The following SF1 variants were observed in gnomAD, a reference collection of about 807,000 sequenced individuals.
SF1 encodes splicing factor 1.
In SF1, 7 loss-of-function variants were observed where a neutral mutation model predicts 62.5. That is an observed-to-expected ratio of 0.11 (90% confidence interval 0.06 to 0.21). The LOEUF is 0.21. Ranked by LOEUF, SF1 falls within the 10% of genes least tolerant of loss-of-function variation. SF1 has a pLI of 1.00. For synonymous variants in SF1, 394 were observed against 323.6 expected (o/e 1.22, Z -2.33); for missense variants, 578 against 884.0 (o/e 0.65, Z 4.39).
In SF1 at chr11:64,768,162, T is replaced by C; in HGVS notation, c.1012A>G (p.Thr338Ala). 5 of 1,613,772 alleles carry C rather than the reference T, an allele frequency of 3.1e-6. No individual in the cohort carries two copies. Among genetic ancestry groups the C allele is most frequent in the Non-Finnish European group, 3.4e-6 (4 of 1,179,902 alleles). The change falls in exon 9 of 13, where the codon ACA becomes GCA. Residue 338 changes from threonine (T) to alanine (A), a missense_variant. Coordinates refer to ENST00000377390, the MANE Select transcript of SF1 (RefSeq NM_004630.4). ...GGACGAGGTGCGCTGGCCAGGGGTG[T>C]GGTGGCAGGCCCAGAGGTGGAGCCC... is the stretch of plus-strand genomic sequence containing the variant. The part of the protein sequence containing the change: ...SVGSTSGPAT[T>A]PLASAPRPAA...
intron 3 of SF1, chr11:64,773,139 T>A: frequency 8.2e-7 from 1 of 1,220,510 alleles, no homozygotes. Flanking sequence ...GCCACCTCAC[T>A]GTCCCCTAAG....
intron 10 of SF1, 105 bp downstream of exon 10, chr11:64,767,466 G>T: frequency 8.0e-7 from 1 of 1,248,660 alleles, no homozygotes; most frequent in Non-Finnish European, 1.1e-6. Context: ...GGCAGACCCA[G>T]CACATTGCCC....
intron 9 of SF1, 62 bp downstream of exon 9, chr11:64,768,044 C>T: frequency 6.5e-7 from 1 of 1,536,434 alleles, no homozygotes; most frequent in Non-Finnish European, 8.8e-7. Context: ...GTGGCCATAG[C>T]TCCCAGTCTC....
chr11:64,769,892 A>G (rs966828088), intron 5 of SF1, 72 bp downstream of exon 5: 162 of 1,188,936 alleles, frequency 1.4e-4, no homozygotes, highest in South Asian at 3.6e-4. Context: ...ACAGTCCCCA[A>G]TTAGGCACAA....
At chr11:64,773,800 A>T (rs565036038) in intron 2 of SF1, among the ~76,000 whole-genome samples, 1 of 152,186 alleles carries the variant, frequency 6.6e-6, no homozygotes, top group Non-Finnish European at 1.5e-5. Flanking sequence ...AATTATTAGG[A>T]GGTGTTTCAC....
intron 9 of SF1, 22 bp from the exon 10 acceptor site, chr11:64,767,866 C>T: frequency 1.9e-6 from 3 of 1,603,776 alleles, no homozygotes; most frequent in Non-Finnish European, 2.5e-6. Context: ...CATTTCCTGC[C>T]AACGTCCCTG....
At position 64,764,729 on chromosome 11, in the gene SF1, ATACAT is replaced by A. The variant is rs2135858256; in HGVS notation, c.*1084_*1088del. 6.5e-6 allele frequency: 1 copy of A among 152,864 alleles called. No individual in the cohort carries two copies. The highest frequency in any genetic ancestry group is 2.1e-4 in the South Asian group (1 of 4,834). 9.5% of individuals were successfully genotyped at this position (152,864 alleles called of 1,614,324 possible). ...TAAACCAGTGAAGAGAACGCGCAGTATACATTATTGTCAACAGAATCACTTCATGG... is the reference window on the plus strand; with the variant it reads ...TAAACCAGTGAAGAGAACGCGCAGTATATTGTCAACAGAATCACTTCATGG... On this transcript the variant is annotated 3_prime_UTR_variant, in exon 13 of 13. Coordinates refer to ENST00000377390, the MANE Select transcript of SF1 (RefSeq NM_004630.4).
chr11:64,767,901 G>T, intron 9 of SF1, 57 bp from the exon 10 acceptor site: 1 of 1,584,000 alleles, frequency 6.3e-7, no homozygotes, highest in Non-Finnish European at 8.6e-7. Flanking sequence ...TGGCAACATT[G>T]TTCTTCGGGT....
At position 64,770,243 on chromosome 11, in the gene SF1, C is replaced by A; in HGVS notation, c.389+13G>T. 1 of 1,608,894 alleles carries A rather than the reference C, an allele frequency of 6.2e-7. No individual in the cohort carries two copies. The highest frequency in any genetic ancestry group is 8.5e-7 in the Non-Finnish European group (1 of 1,175,960). ...TGTGTCTTCATCCCAGATGACCGAG[C>A]CCCTCCGCTTACTTGTAATCTGCAG... On this transcript the variant is annotated intron_variant, in intron 4 of 12. Transcript: ENST00000377390.
intron 12 of SF1, 78 bp downstream of exon 12, chr11:64,766,822 C>A: frequency 2.5e-6 from 3 of 1,211,794 alleles, no homozygotes; most frequent in Non-Finnish European, 3.3e-6. Flanking sequence ...CACCTGCCTG[C>A]TTGTGTGAGG....
At chr11:64,770,181 A>G (rs1426649861) in intron 4 of SF1, 75 bp downstream of exon 4, 1 of 1,572,862 alleles carries the variant, frequency 6.4e-7, no homozygotes, top group Admixed American at 1.7e-5. Context: ...AGTAGTACCA[A>G]TACTGTCCCA....
Position 64,766,773 on chromosome 11 carries a change from G to C in SF1, c.1582+127C>G, listed in dbSNP as rs971978757. Reference sequence around the variant, plus strand: ...CCCCCTGGACCAGGAGGCCCTTTCTGTTTACAACCCCAGCAGAGCCCAGGG... The same window carrying C: ...CCCCCTGGACCAGGAGGCCCTTTCTCTTTACAACCCCAGCAGAGCCCAGGG... On this transcript the variant is annotated intron_variant, in intron 12 of 12. Coordinates refer to ENST00000377390, the MANE Select transcript of SF1 (RefSeq NM_004630.4). 5 of 700,064 alleles carry C rather than the reference G, an allele frequency of 7.1e-6. No homozygotes were observed. The South Asian group carries it at 1.8e-4, about 26-fold the overall frequency. The allele number at this position is 700,064 out of a possible 1,614,324, so 43.4% of individuals were successfully genotyped here.
intron 12 of SF1, chr11:64,766,512 C>A: frequency 2.2e-6 from 1 of 447,716 alleles, no homozygotes; most frequent in Non-Finnish European, 4.0e-6. Flanking sequence ...CCCCACTGCC[C>A]AGTCCCACCT....
chr11:64,771,326 G>T (rs1323034629), intron 3 of SF1: 6 of 462,430 alleles, frequency 1.3e-5, no homozygotes, highest in African/African-American at 2.1e-5. Context: ...TACACTCCTA[G>T]AATTTTGAGT....
rs114332572 is a variant in SF1, at chr11:64,769,790, C to T, written c.479+174G>A. 1,125 of 728,346 alleles carry T rather than the reference C, an allele frequency of 1.5e-3. 11 individuals are homozygous for T. The African/African-American group carries it at 0.018, about 12-fold the overall frequency. 45.1% of individuals were successfully genotyped at this position (728,346 alleles called of 1,614,324 possible). ...AGTAAACCTGAGGATTTGACTTCTC[C>T]GCACTAGTGGGGAAGTTAAGACACC... On this transcript the variant is annotated intron_variant, in intron 5 of 12. Transcript: ENST00000377390.
intron 1 of SF1, chr11:64,778,120 GGACGGT>G (rs1436924011): frequency 4.7e-6 from 4 of 852,622 alleles, no homozygotes; most frequent in African/African-American, 1.8e-5. Context: ...AGGCGCCGGG[GGACGGT>G]GGCGGTGGAG....
chr11:64,766,148 C>A lies in SF1; in HGVS notation c.1590G>T (p.Thr530=). ...STPLPWQQNT[T]TTTTSAGTGS... ...CTGTGCCAGCGCTCGTGGTGGTAGT[C>A]GTCGTATCTGGGGTGGTAAAGAAGC... The change falls in exon 13 of 13, where the codon ACG becomes ACT. Residue 530 remains threonine, a synonymous_variant. Coordinates refer to ENST00000377390, the MANE Select transcript of SF1 (RefSeq NM_004630.4). 1 of 1,604,980 alleles carries A rather than the reference C, an allele frequency of 6.2e-7. No individual in the cohort carries two copies.
intron 12 of SF1, chr11:64,766,631 G>C: frequency 4.6e-6 from 2 of 434,170 alleles, no homozygotes; most frequent in South Asian, 1.1e-4. Flanking sequence ...CAGCCTGCGA[G>C]GGTCTGGACT....
intron 1 of SF1, chr11:64,778,000 G>A: frequency 5.0e-6 from 5 of 998,584 alleles, no homozygotes; most frequent in Non-Finnish European, 6.0e-6. Context: ...CTCCGCCGCC[G>A]GCCGGGCCCG....
Sources: gnomAD v4.1 joint callset for allele counts (sites outside exome capture counted in the v4.1 genomes callset) on GRCh38, gnomAD v4.1.1 for gene constraint, MANE v1.5 for transcripts, NCBI Gene and HGNC (gene_info 2026-07-23, HGNC 2026-07-21) for gene names.